Variants in CNTNAP5 observed in about 807,000 individuals in gnomAD.
CNTNAP5 encodes the protein contactin-associated protein-like 5.
A neutral mutation model predicts 150.2 loss-of-function variants in CNTNAP5; 72 were observed. That is an observed-to-expected ratio of 0.48 (90% CI 0.40 to 0.58). The LOEUF (loss-of-function observed/expected upper bound fraction) is 0.58, where lower values mean the gene tolerates loss of function less well. Among genes scored for constraint, CNTNAP5 ranks in the 20% least tolerant of loss-of-function variants. The probability of loss-of-function intolerance (pLI) is 0.00; values close to 1 mark genes in which losing one functional copy is unlikely to be tolerated. For missense variants in CNTNAP5, 1,636 were observed against 1,626.2 expected, an observed-to-expected ratio of 1.01 and a Z score of -0.10; for synonymous variants, 672 against 619.8, an observed-to-expected ratio of 1.08 and a Z score of -1.25.
intron 6 of CNTNAP5, among the ~76,000 whole-genome samples, chr2:124,448,006 C>T (rs1692866298): frequency 6.6e-6 from 1 of 152,210 alleles, no homozygotes; most frequent in East Asian, 1.9e-4. Flanking sequence ...TGGTGGCTCA[C>T]ACCTGTAATC....
intron 1 of CNTNAP5, among the ~76,000 whole-genome samples, chr2:124,031,619 C>T (rs34711614): frequency 0.061 from 9,256 of 152,128 alleles, 379 homozygotes; most frequent in South Asian, 0.1. Flanking sequence ...ATCACATGGC[C>T]ATTTGTTCCT....
intron 2 of CNTNAP5, among the ~76,000 whole-genome samples, chr2:124,237,002 A>C (rs1205576037): frequency 6.6e-6 from 1 of 152,006 alleles, no homozygotes. Context: ...AGTGGCGGGC[A>C]TCTGTAATCC....
At chr2:124,839,426 A>T (rs12711692) in intron 19 of CNTNAP5, among the ~76,000 whole-genome samples, 142,395 of 143,382 alleles carry the variant, frequency 0.99, 70,704 homozygotes, top group African/African-American at 1. Context: ...AATGACACAC[A>T]CTCTCTCTCT....
At chr2:124,536,510 C>T (rs139068374) in intron 10 of CNTNAP5, among the ~76,000 whole-genome samples, 6 of 152,130 alleles carry the variant, frequency 3.9e-5, no homozygotes, top group Admixed American at 6.5e-5. Context: ...CCACGTTGTT[C>T]GGTGATCGCC....
chr2:124,815,770 T>A (rs887111436), intron 19 of CNTNAP5, among the ~76,000 whole-genome samples: 2 of 152,120 alleles, frequency 1.3e-5, no homozygotes, highest in Non-Finnish European at 2.9e-5. Context: ...AAATGGGATT[T>A]AGGTAACTTC....
chr2:124,711,960 G>A lies in CNTNAP5; in HGVS notation c.2078-35269G>A, dbSNP rs1160206185. On this transcript the variant is annotated intron_variant, in intron 13 of 23. Coordinates refer to ENST00000682447, the MANE Select transcript of CNTNAP5 (RefSeq NM_001367498.1). ...TTTCCTTAAGCCTGACCCTAGACACGTGCAGAAGATCCAGCATCTCAACAG... is the reference window on the plus strand; with the variant it reads ...TTTCCTTAAGCCTGACCCTAGACACATGCAGAAGATCCAGCATCTCAACAG... Among the ~76,000 whole-genome samples the A allele has an allele frequency of 4.6e-5, 7 of 152,090 alleles. No homozygotes were observed. In the East Asian group the frequency reaches 5.8e-4, roughly 13 times the overall value.
At chr2:124,655,229 G>C (rs996963267) in intron 13 of CNTNAP5, among the ~76,000 whole-genome samples, 5 of 152,052 alleles carry the variant, frequency 3.3e-5, no homozygotes, top group Non-Finnish European at 7.4e-5. Context: ...CCACTTATGA[G>C]TGGGAACATG....
intron 17 of CNTNAP5, among the ~76,000 whole-genome samples, chr2:124,775,776 C>T (rs114160058): frequency 1.0e-3 from 152 of 152,282 alleles, no homozygotes; most frequent in African/African-American, 3.3e-3. Flanking sequence ...GGAGACTCTT[C>T]ACAACATGCA....
rs192733837 is a variant in CNTNAP5, at chr2:124,241,615, C to T, written c.188-585C>T. Among the ~76,000 whole-genome samples, 6 of 152,250 alleles carry T rather than the reference C, an allele frequency of 3.9e-5. No homozygotes were observed. In the East Asian group the frequency reaches 1.2e-3, roughly 30 times the overall value. ...CTCTCTCTCTTCAGCACCCAGCATA[C>T]TCCTGGTGCTCAACAAACATCTGCC... On this transcript the variant is annotated intron_variant, in intron 2 of 23. Coordinates refer to ENST00000682447, the MANE Select transcript of CNTNAP5 (RefSeq NM_001367498.1).
chr2:124,701,022 A>G (rs999398917), intron 13 of CNTNAP5, among the ~76,000 whole-genome samples: 2 of 152,056 alleles, frequency 1.3e-5, no homozygotes, highest in Non-Finnish European at 2.9e-5. Context: ...AAGAGCAGCC[A>G]AATCTACTAG....
chr2:124,837,025 TC>T (rs1184847268), intron 19 of CNTNAP5, among the ~76,000 whole-genome samples: 1 of 151,964 alleles, frequency 6.6e-6, no homozygotes, highest in Non-Finnish European at 1.5e-5. Flanking sequence ...CCTCTCATCT[TC>T]CCCTGTGAGA....
intron 1 of CNTNAP5, among the ~76,000 whole-genome samples, chr2:124,073,373 G>A (rs1045953500): frequency 1.3e-4 from 20 of 152,160 alleles, no homozygotes; most frequent in African/African-American, 4.8e-4. Flanking sequence ...ATCATATCAT[G>A]TTTAAAAGCT....
At chr2:124,194,366 CATATATATATATATATATAT>C (rs1189694569) in intron 1 of CNTNAP5, among the ~76,000 whole-genome samples, 1 of 101,228 alleles carries the variant, frequency 9.9e-6, no homozygotes, top group African/African-American at 4.1e-5. Context: ...TAAATTAGGT[CATATATATATATATATATAT>C]ATATATATAT....
intron 3 of CNTNAP5, among the ~76,000 whole-genome samples, chr2:124,296,010 G>A (rs1688420915): frequency 6.6e-6 from 1 of 152,162 alleles, no homozygotes; most frequent in Admixed American, 6.5e-5. Context: ...ATTCAATGAA[G>A]AAAGTCCTAA....
At chr2:124,094,347 T>A (rs950805278) in intron 1 of CNTNAP5, among the ~76,000 whole-genome samples, 2 of 152,216 alleles carry the variant, frequency 1.3e-5, no homozygotes, top group African/African-American at 4.8e-5. Flanking sequence ...TTGATCTACC[T>A]GAACTCCATT....
At chr2:124,097,973 G>A (rs965061293) in intron 1 of CNTNAP5, among the ~76,000 whole-genome samples, 5 of 152,068 alleles carry the variant, frequency 3.3e-5, no homozygotes, top group East Asian at 3.9e-4. Context: ...GCTTGCCGTG[G>A]GCCGAGATGG....
At chr2:124,775,951 C>G (rs1396512641) in intron 17 of CNTNAP5, among the ~76,000 whole-genome samples, 1 of 152,122 alleles carries the variant, frequency 6.6e-6, no homozygotes, top group African/African-American at 2.4e-5. Flanking sequence ...CATTCCTGGT[C>G]AGATGCCAAC....
chr2:124,415,369 A>G lies in CNTNAP5; in HGVS notation c.382-2074A>G, dbSNP rs551178995. Reference sequence around the variant, plus strand: ...AGCCACTTTGTGATACATGATAGTAATTACATCAATCGCCTAATTTCAGAG... The same window carrying G: ...AGCCACTTTGTGATACATGATAGTAGTTACATCAATCGCCTAATTTCAGAG... On this transcript the variant is annotated intron_variant, in intron 3 of 23. Coordinates refer to ENST00000682447, the MANE Select transcript of CNTNAP5 (RefSeq NM_001367498.1). Among the ~76,000 whole-genome samples, 9 of 152,310 alleles carry G rather than the reference A, an allele frequency of 5.9e-5. No individual in the cohort carries two copies. In the East Asian group the frequency reaches 1.7e-3, roughly 29 times the overall value.
chr2:124,786,352 GAAGA>G (rs1207108942), intron 17 of CNTNAP5, among the ~76,000 whole-genome samples: 942 of 59,126 alleles, frequency 0.016, 38 homozygotes, highest in African/African-American at 0.02. Context: ...AGAAAGAAAG[GAAGA>G]AAGAAAGAAA....
Sources: allele counts gnomAD v4.1 joint callset (sites outside exome capture counted in the v4.1 genomes callset), GRCh38; gene constraint gnomAD v4.1.1; transcripts MANE v1.5; gene names NCBI Gene and HGNC (gene_info 2026-07-23, HGNC 2026-07-21).